FGF14: variants seen among roughly 807,000 people sequenced by gnomAD.
The protein encoded by FGF14 is fibroblast growth factor homologous factor 4.
Under a neutral mutation model 25.5 loss-of-function variants are expected in FGF14, and 5 were observed. The observed-to-expected ratio is 0.20, with a 90% CI of 0.10 to 0.41. The LOEUF (loss-of-function observed/expected upper bound fraction) is 0.41. Ranked by LOEUF, FGF14 falls within the 10% of genes least tolerant of loss-of-function variation. FGF14 has a pLI of 1.00. For synonymous variants in FGF14, 138 were observed against 118.3 expected, an observed-to-expected ratio of 1.17 and a Z score of -1.08; for missense variants, 222 against 320.1, an observed-to-expected ratio of 0.69 and a Z score of 2.34.
chr13:101,728,827 C>A (rs1168047895), intron 3 of FGF14, among the ~76,000 whole-genome samples: 1 of 152,112 alleles, frequency 6.6e-6, no homozygotes, highest in Non-Finnish European at 1.5e-5. Context: ...GAACCTGGCT[C>A]ACTGATGCTC....
At chr13:101,870,987 C>T (rs1038625145) in intron 2 of FGF14, among the ~76,000 whole-genome samples, 1 of 151,824 alleles carries the variant, frequency 6.6e-6, no homozygotes, top group Non-Finnish European at 1.5e-5. Context: ...TACATACATA[C>T]ATACATACAT....
chr13:102,243,195 A>G (rs1187528186), intron 1 of FGF14, among the ~76,000 whole-genome samples: 1 of 152,144 alleles, frequency 6.6e-6, no homozygotes, highest in East Asian at 1.9e-4. Flanking sequence ...ACTCTGTCAG[A>G]ATAAATTGGT....
intron 3 of FGF14, among the ~76,000 whole-genome samples, chr13:101,734,185 C>A (rs2036016557): frequency 6.6e-6 from 1 of 152,078 alleles, no homozygotes; most frequent in Non-Finnish European, 1.5e-5. Flanking sequence ...TCCCAGGTGA[C>A]TGTATGCACA....
intron 1 of FGF14, among the ~76,000 whole-genome samples, chr13:102,221,060 G>A (rs1358448789): frequency 1.3e-5 from 2 of 152,202 alleles, no homozygotes; most frequent in African/African-American, 2.4e-5. Flanking sequence ...GAAGGAGAGC[G>A]GACATACAAC....
chr13:102,041,410 T>C lies in FGF14; in HGVS notation c.209-166114A>G, dbSNP rs560846335. 3.9e-5 allele frequency among the ~76,000 whole-genome samples: 6 copies of C among 152,122 alleles called. No homozygotes were observed. In the East Asian group the frequency reaches 9.7e-4, roughly 25 times the overall value. ...ACAGTTACAAATTCAAGCTGATACA[T>C]ATATGTTTTATTCCTATTGCTATTT... On this transcript the variant is annotated intron_variant, in intron 1 of 4. Coordinates refer to the FGF14 transcript ENST00000376131.
At chr13:102,313,019 A>G (rs968039308) in intron 1 of FGF14, among the ~76,000 whole-genome samples, 1 of 151,760 alleles carries the variant, frequency 6.6e-6, no homozygotes, top group Non-Finnish European at 1.5e-5. Context: ...GGACCAACCT[A>G]CTCCTTCCTG....
chr13:101,737,152 A>C (rs2036247224), intron 3 of FGF14, among the ~76,000 whole-genome samples: 1 of 150,890 alleles, frequency 6.6e-6, no homozygotes, highest in Admixed American at 6.7e-5. Context: ...AATAGAGGAA[A>C]GATAAAGGGA....
intron 3 of FGF14, 69 bp downstream of exon 3, chr13:101,868,656 T>C: frequency 1.0e-6 from 1 of 998,018 alleles, no homozygotes; most frequent in Non-Finnish European, 1.6e-6. Flanking sequence ...AACTTTCTTT[T>C]TGTTGTTGCT....
chr13:102,312,904 C>CA (rs1445484251), intron 1 of FGF14, among the ~76,000 whole-genome samples: 2 of 152,144 alleles, frequency 1.3e-5, no homozygotes, highest in Non-Finnish European at 2.9e-5. Context: ...CCTTTCAGTC[C>CA]AGAGCTCGGC....
chr13:101,936,257 C>A (rs768149340), intron 1 of FGF14, among the ~76,000 whole-genome samples: 2 of 152,158 alleles, frequency 1.3e-5, no homozygotes, highest in Non-Finnish European at 2.9e-5. Flanking sequence ...GTTGTGGGCA[C>A]TTACGTGGTC....
intron 3 of FGF14, among the ~76,000 whole-genome samples, chr13:101,740,425 A>G (rs1306880639): frequency 6.6e-6 from 1 of 152,226 alleles, no homozygotes; most frequent in African/African-American, 2.4e-5. Flanking sequence ...ATAGTACCAG[A>G]AAGAAAAAAA....
chr13:102,029,612 C>T (rs753806257), intron 1 of FGF14, among the ~76,000 whole-genome samples: 4 of 152,066 alleles, frequency 2.6e-5, no homozygotes, highest in Non-Finnish European at 4.4e-5. Flanking sequence ...TTTTGAAGAA[C>T]TTAGCCCAAA....
chr13:102,024,998 T>C (rs1392555743), intron 1 of FGF14, among the ~76,000 whole-genome samples: 1 of 149,816 alleles, frequency 6.7e-6, no homozygotes, highest in African/African-American at 2.5e-5. Flanking sequence ...CACACATATA[T>C]AAACACACAC....
chr13:101,867,528 A>C (rs1041565356), intron 3 of FGF14, among the ~76,000 whole-genome samples: 4 of 152,200 alleles, frequency 2.6e-5, no homozygotes, highest in Non-Finnish European at 5.9e-5. Context: ...CAAAAATAAC[A>C]GAGCAAGTTC....
intron 1 of FGF14, among the ~76,000 whole-genome samples, chr13:101,981,059 T>C (rs1433788536): frequency 1.0e-4 from 15 of 144,816 alleles, no homozygotes; most frequent in Admixed American, 9.3e-4. Flanking sequence ...CTGGGCAACA[T>C]GGTGAAACCT....
At chr13:102,107,422 C>A (rs1219319323) in intron 1 of FGF14, among the ~76,000 whole-genome samples, 1 of 152,046 alleles carries the variant, frequency 6.6e-6, no homozygotes, top group Non-Finnish European at 1.5e-5. Flanking sequence ...TGCATCTTGA[C>A]AGTTGTACTT....
At chr13:102,297,904 C>G (rs533424923) in intron 1 of FGF14, among the ~76,000 whole-genome samples, 1 of 151,824 alleles carries the variant, frequency 6.6e-6, no homozygotes, top group Admixed American at 6.6e-5. Flanking sequence ...TGATGGTGCC[C>G]GTGGAAAGCT....
intron 1 of FGF14, among the ~76,000 whole-genome samples, chr13:102,277,850 A>T (rs2053622430): frequency 6.6e-6 from 1 of 152,188 alleles, no homozygotes; most frequent in South Asian, 2.1e-4. Flanking sequence ...GACCTAATTT[A>T]ATGTGTATTT....
chr13:102,401,407 A>G, intron 1 of FGF14: 1 of 1,477,770 alleles, frequency 6.8e-7, no homozygotes, highest in Non-Finnish European at 9.5e-7. Flanking sequence ...CTGCAGATCT[A>G]GCTCGATGAG....
Sources: allele counts gnomAD v4.1 joint callset (sites outside exome capture counted in the v4.1 genomes callset), GRCh38; gene constraint gnomAD v4.1.1; transcripts MANE v1.5; gene names NCBI Gene and HGNC (gene_info 2026-07-23, HGNC 2026-07-21).